ZNF804B: variants seen among roughly 807,000 people sequenced by gnomAD.
The protein encoded by ZNF804B is zinc finger 804B.
A neutral mutation model predicts 101.4 loss-of-function variants in ZNF804B; 80 were observed. That is an observed-to-expected ratio of 0.79 (90% CI 0.66 to 0.95). ZNF804B has a LOEUF of 0.95. Among genes scored for constraint, ZNF804B ranks in the 40% least tolerant of loss-of-function variants. The pLI is 0.00. For synonymous variants in ZNF804B, 622 were observed against 558.8 expected (o/e 1.11, Z -1.59); for missense variants, 1,673 against 1,561.9 (o/e 1.07, Z -1.20).
At chr7:89,028,616 T>C (rs1426744451) in intron 1 of ZNF804B, among the ~76,000 whole-genome samples, 1 of 152,184 alleles carries the variant, frequency 6.6e-6, no homozygotes, top group Admixed American at 6.5e-5. Context: ...ATTTCTTCTC[T>C]AATCATCGAG....
chr7:89,020,939 T>A (rs1788657216), intron 1 of ZNF804B, among the ~76,000 whole-genome samples: 1 of 152,224 alleles, frequency 6.6e-6, no homozygotes. Context: ...TTTGACATTT[T>A]TTTCCTGGCA....
intron 1 of ZNF804B, among the ~76,000 whole-genome samples, chr7:89,020,819 T>A (rs1788654690): frequency 1.3e-5 from 2 of 152,190 alleles, no homozygotes; most frequent in African/African-American, 4.8e-5. Flanking sequence ...TTGGGTTATT[T>A]TTATGATGTC....
intron 1 of ZNF804B, among the ~76,000 whole-genome samples, chr7:88,996,507 G>A (rs1268796983): frequency 6.6e-6 from 1 of 152,040 alleles, no homozygotes; most frequent in Non-Finnish European, 1.5e-5. Flanking sequence ...TCTTTCTCAA[G>A]AGGTTATCAG....
At chr7:89,309,439 T>G (rs1019230905) in intron 2 of ZNF804B, among the ~76,000 whole-genome samples, 7 of 152,030 alleles carry the variant, frequency 4.6e-5, no homozygotes, top group Non-Finnish European at 1.0e-4. Context: ...ACTTAAACTA[T>G]GTGGAGAGGA....
At chr7:88,857,970 G>C (rs921728880) in intron 1 of ZNF804B, among the ~76,000 whole-genome samples, 1 of 151,304 alleles carries the variant, frequency 6.6e-6, no homozygotes, top group Non-Finnish European at 1.5e-5. Context: ...TTACAGGCTT[G>C]TGCCATCATG....
At chr7:89,281,229 TATTA>T (rs1228002092) in intron 2 of ZNF804B, among the ~76,000 whole-genome samples, 1 of 152,218 alleles carries the variant, frequency 6.6e-6, no homozygotes, top group Non-Finnish European at 1.5e-5. Context: ...GGGTTTAAAA[TATTA>T]ATTAATAATC....
chr7:88,791,884 A>T (rs1416243334), intron 1 of ZNF804B, among the ~76,000 whole-genome samples: 1 of 152,140 alleles, frequency 6.6e-6, no homozygotes, highest in African/African-American at 2.4e-5. Flanking sequence ...GGCAGGACTC[A>T]GTGGAAACAG....
intron 1 of ZNF804B, among the ~76,000 whole-genome samples, chr7:88,879,222 C>A (rs1445010548): frequency 6.6e-6 from 1 of 152,074 alleles, no homozygotes; most frequent in African/African-American, 2.4e-5. Context: ...GACTTCTGTT[C>A]TGGATGTGTA....
At chr7:88,976,455 G>T (rs1191276209) in intron 1 of ZNF804B, among the ~76,000 whole-genome samples, 1 of 151,096 alleles carries the variant, frequency 6.6e-6, no homozygotes, top group Non-Finnish European at 1.5e-5. Flanking sequence ...TCAATGTAGA[G>T]ATTTTTTTGG....
chr7:89,126,007 G>A lies in ZNF804B; in HGVS notation c.109-92148G>A, dbSNP rs563622222. ...CCTGATGATCAGATATATTACAGAT[G>A]CATCAGTGATGTATTGTAAATCAAT... is the stretch of plus-strand genomic sequence containing the variant. On this transcript the variant is annotated intron_variant, in intron 1 of 3. Coordinates refer to ENST00000333190, the MANE Select transcript of ZNF804B (RefSeq NM_181646.5). Among the ~76,000 whole-genome samples, 313 of 152,118 alleles carry A rather than the reference G, an allele frequency of 2.1e-3. 3 individuals are homozygous for A. The highest frequency in any genetic ancestry group is 3.4e-3 in the Middle Eastern group (1 of 294).
At chr7:88,976,566 T>C (rs937856788) in intron 1 of ZNF804B, among the ~76,000 whole-genome samples, 2 of 151,698 alleles carry the variant, frequency 1.3e-5, no homozygotes. Context: ...GAAATGCTAC[T>C]GGTTTTTGTA....
At chr7:88,830,856 T>G (rs930184848) in intron 1 of ZNF804B, among the ~76,000 whole-genome samples, 6 of 151,944 alleles carry the variant, frequency 3.9e-5, no homozygotes, top group Non-Finnish European at 8.8e-5. Context: ...TAATTACAAT[T>G]TTTATATCTT....
At position 89,179,456 on chromosome 7, in the gene ZNF804B, A is replaced by T. The variant is rs73395269; in HGVS notation, c.109-38699A>T. 9.9e-3 allele frequency among the ~76,000 whole-genome samples: 1,513 copies of T among 152,312 alleles called. 29 individuals are homozygous for T. Among genetic ancestry groups the T allele is most frequent in the African/African-American group, 0.035 (1,446 of 41,574 alleles). On this transcript the variant is annotated intron_variant, in intron 1 of 3. Coordinates refer to ENST00000333190, the MANE Select transcript of ZNF804B (RefSeq NM_181646.5). ...GATGCATTCTTCAGTATAGCAATTA[A>T]ATTTTTCAGCTCCAGAATTTGGTTG...
chr7:89,087,773 C>G (rs1789828238), intron 1 of ZNF804B, among the ~76,000 whole-genome samples: 1 of 151,680 alleles, frequency 6.6e-6, no homozygotes, highest in Non-Finnish European at 1.5e-5. Flanking sequence ...TTTCTTTTCC[C>G]AAATCTTTCA....
chr7:88,993,557 A>C (rs1793878325), intron 1 of ZNF804B, among the ~76,000 whole-genome samples: 1 of 152,050 alleles, frequency 6.6e-6, no homozygotes, highest in Admixed American at 6.6e-5. Flanking sequence ...TCTGCACTGA[A>C]CAAATGCTAG....
Position 89,266,812 on chromosome 7 carries a change from T to C in ZNF804B, c.249+48517T>C, listed in dbSNP as rs188526219. Among the ~76,000 whole-genome samples, 698 of 152,022 alleles carry C rather than the reference T, an allele frequency of 4.6e-3. 8 individuals carry two copies. The highest frequency in any genetic ancestry group is 8.9e-3 in the South Asian group (43 of 4,828). The stretch of plus-strand genomic sequence containing the variant: ...TCATAAAAATAATTATTTATCCTTT[T>C]CAGGAAATCAAAAAAGTGAGGAAAT... On this transcript the variant is annotated intron_variant, in intron 2 of 3. Transcript: ENST00000333190.
intron 1 of ZNF804B, among the ~76,000 whole-genome samples, chr7:88,786,650 A>C (rs1790307394): frequency 6.6e-6 from 1 of 152,088 alleles, no homozygotes; most frequent in Non-Finnish European, 1.5e-5. Context: ...AAAATTTAAT[A>C]TAATTTATAT....
At chr7:89,277,762 G>A (rs912781884) in intron 2 of ZNF804B, among the ~76,000 whole-genome samples, 1 of 151,712 alleles carries the variant, frequency 6.6e-6, no homozygotes, top group East Asian at 1.9e-4. Flanking sequence ...TTGGACATTT[G>A]TGTTGGTTCC....
chr7:89,190,943 G>A (rs1788447317), intron 1 of ZNF804B, among the ~76,000 whole-genome samples: 1 of 152,124 alleles, frequency 6.6e-6, no homozygotes, highest in African/African-American at 2.4e-5. Flanking sequence ...ATAGGATACT[G>A]TAAATAGAAC....
Sources: allele counts gnomAD v4.1 joint callset (sites outside exome capture counted in the v4.1 genomes callset), GRCh38; gene constraint gnomAD v4.1.1; transcripts MANE v1.5; gene names NCBI Gene and HGNC (gene_info 2026-07-23, HGNC 2026-07-21).